Variants in PTPRO observed in about 807,000 individuals in gnomAD.
The protein encoded by PTPRO is receptor-type tyrosine-protein phosphatase O.
A neutral mutation model predicts 145.2 loss-of-function variants in PTPRO; 62 were observed. The observed-to-expected ratio is 0.43, with a 90% confidence interval of 0.35 to 0.53. PTPRO has a LOEUF of 0.53. Ranked by LOEUF, PTPRO falls within the 20% of genes least tolerant of loss-of-function variation. The pLI, the probability that PTPRO is intolerant of heterozygous loss-of-function variation, is 0.01. For synonymous variants in PTPRO, 565 were observed against 514.7 expected (o/e 1.10, Z -1.32); for missense variants, 1,345 against 1,482.7 (o/e 0.91, Z 1.53).
chr12:15,506,513 G>A (rs984501998), intron 6 of PTPRO, among the ~76,000 whole-genome samples: 2 of 152,188 alleles, frequency 1.3e-5, no homozygotes, highest in African/African-American at 2.4e-5. Context: ...TGCATGGCCA[G>A]GGAGGTCTCA....
chr12:15,560,055 T>C (rs540821828), intron 16 of PTPRO, 138 bp from the exon 17 acceptor site: 10 of 709,846 alleles, frequency 1.4e-5, no homozygotes, highest in African/African-American at 8.8e-5. Flanking sequence ...ACAGAATGGA[T>C]TAATATTTAA....
intron 25 of PTPRO, among the ~76,000 whole-genome samples, chr12:15,590,985 C>G (rs1360685406): frequency 6.6e-6 from 1 of 152,156 alleles, no homozygotes; most frequent in Admixed American, 6.5e-5. Flanking sequence ...ATATGAATCA[C>G]CAAGCTTCAA....
In PTPRO at chr12:15,524,685, T is replaced by C. The variant is rs530068649; in HGVS notation, c.1892-129T>C. Reference sequence around the variant, plus strand: ...CACTGTTATTGAGAGGTCCTGAAGTTACCGGGACTATCGTGTGCTGTGAAT... The same window carrying C: ...CACTGTTATTGAGAGGTCCTGAAGTCACCGGGACTATCGTGTGCTGTGAAT... On this transcript the variant is annotated intron_variant, in intron 10 of 26. Coordinates refer to ENST00000281171, the MANE Select transcript of PTPRO (RefSeq NM_030667.3). 132 of 984,134 alleles carry C rather than the reference T, an allele frequency of 1.3e-4. 2 individuals are homozygous for C. Among genetic ancestry groups the C allele is most frequent in the South Asian group, 1.1e-3 (82 of 72,728 alleles). 61.0% of individuals were successfully genotyped at this position (984,134 alleles called of 1,614,324 possible). A position where few individuals can be genotyped will look rare whatever the true frequency, so the allele number is the denominator to read the frequency against.
chr12:15,525,101 C>G (rs1942810396), intron 11 of PTPRO, 136 bp downstream of exon 11: 1 of 1,059,326 alleles, frequency 9.4e-7, no homozygotes, highest in Non-Finnish European at 1.4e-6. Context: ...GGAGATAAGA[C>G]AGTGAACAAA....
At chr12:15,431,099 C>G (rs998800090) in intron 1 of PTPRO, among the ~76,000 whole-genome samples, 1 of 152,192 alleles carries the variant, frequency 6.6e-6, no homozygotes, top group South Asian at 2.1e-4. Flanking sequence ...TGTCCTAAAG[C>G]AAGGGTAGCA....
intron 6 of PTPRO, among the ~76,000 whole-genome samples, chr12:15,507,306 G>A (rs1201742902): frequency 3.3e-5 from 5 of 151,794 alleles, no homozygotes; most frequent in African/African-American, 7.3e-5. Flanking sequence ...CCAGCTACTC[G>A]GGAGGCTGAG....
chr12:15,589,404 A>T (rs1044102909), intron 24 of PTPRO, 51 bp from the exon 25 acceptor site: 19 of 1,612,502 alleles, frequency 1.2e-5, no homozygotes, highest in Non-Finnish European at 1.6e-5. Flanking sequence ...AGGGGGGAGA[A>T]AAAAAAGAAG....
chr12:15,459,933 G>A (rs1210116164), intron 1 of PTPRO, among the ~76,000 whole-genome samples: 4 of 152,174 alleles, frequency 2.6e-5, no homozygotes, highest in African/African-American at 7.2e-5. Flanking sequence ...TCAAGGAGAT[G>A]TGTCAATGTG....
At chr12:15,575,093 T>C (rs1046715896) in intron 19 of PTPRO, among the ~76,000 whole-genome samples, 3 of 152,190 alleles carry the variant, frequency 2.0e-5, no homozygotes. Context: ...GTTGCAGGAC[T>C]TTTCCTTAGT....
intron 2 of PTPRO, among the ~76,000 whole-genome samples, chr12:15,497,006 G>T (rs1215057905): frequency 6.6e-6 from 1 of 152,124 alleles, no homozygotes; most frequent in African/African-American, 2.4e-5. Context: ...CAGGACTGTT[G>T]CAAAAGGAAA....
At chr12:15,346,985 T>G (rs1867241838) in intron 1 of PTPRO, among the ~76,000 whole-genome samples, 1 of 152,156 alleles carries the variant, frequency 6.6e-6, no homozygotes, top group African/African-American at 2.4e-5. Flanking sequence ...CATTCTCACC[T>G]TCCTCTAATC....
chr12:15,444,961 C>G (rs1030178820), intron 1 of PTPRO, among the ~76,000 whole-genome samples: 14 of 151,998 alleles, frequency 9.2e-5, no homozygotes, highest in Admixed American at 4.6e-4. Flanking sequence ...GACTTTTTGT[C>G]TCTCAATGGG....
At chr12:15,441,918 C>T (rs1028282394) in intron 1 of PTPRO, among the ~76,000 whole-genome samples, 1 of 152,084 alleles carries the variant, frequency 6.6e-6, no homozygotes, top group African/African-American at 2.4e-5. Context: ...CCAAATTCTA[C>T]CAGATGTACA....
chr12:15,538,943 C>T (rs753170450), intron 12 of PTPRO, among the ~76,000 whole-genome samples: 75 of 152,188 alleles, frequency 4.9e-4, no homozygotes, highest in Non-Finnish European at 8.2e-4. Context: ...ATCTTTTATG[C>T]TCCTTCAACT....
chr12:15,559,290 C>T lies in PTPRO; in HGVS notation c.2628-903C>T, dbSNP rs760464501. 8.9e-4 allele frequency among the ~76,000 whole-genome samples: 135 copies of T among 152,198 alleles called. 1 individual carries two copies. Among genetic ancestry groups the T allele is most frequent in the Non-Finnish European group, 7.4e-4 (50 of 68,006 alleles). ...CAGCTCTTCACAAAGACAGTTTTGC[C>T]GACTCTAGCATTTTCTAGCTGACTG... On this transcript the variant is annotated intron_variant, in intron 16 of 26. Coordinates refer to ENST00000281171, the MANE Select transcript of PTPRO (RefSeq NM_030667.3).
intron 1 of PTPRO, among the ~76,000 whole-genome samples, chr12:15,338,374 A>G (rs1445370293): frequency 6.6e-6 from 1 of 152,224 alleles, no homozygotes; most frequent in African/African-American, 2.4e-5. Context: ...GAAAAACAAT[A>G]ACTACAATTG....
intron 13 of PTPRO, among the ~76,000 whole-genome samples, chr12:15,547,250 G>A (rs901337718): frequency 4.6e-5 from 7 of 152,210 alleles, no homozygotes; most frequent in African/African-American, 1.7e-4. Context: ...AAGACTGAGA[G>A]AAGGTTATTG....
At chr12:15,439,991 C>T (rs188252527) in intron 1 of PTPRO, 3 of 683,822 alleles carry the variant, frequency 4.4e-6, no homozygotes, top group African/African-American at 1.8e-5. Context: ...GGCCATCATC[C>T]TGGCCAAGCT....
At position 15,511,345 on chromosome 12, in the gene PTPRO, G is replaced by A. The variant is rs1942436432; in HGVS notation, c.1464+2578G>A. On this transcript the variant is annotated intron_variant, in intron 7 of 26. Coordinates refer to ENST00000281171, the MANE Select transcript of PTPRO (RefSeq NM_030667.3). ...AAATAAAAAGGCATGGAGAAACATA[G>A]AAGTGTAAATATAGGTTAGCAGCTC... 2.0e-5 allele frequency among the ~76,000 whole-genome samples: 3 copies of A among 152,304 alleles called. No homozygotes were observed. In the South Asian group the frequency reaches 6.2e-4, roughly 32 times the overall value.
Sources: allele counts gnomAD v4.1 joint callset (sites outside exome capture counted in the v4.1 genomes callset), GRCh38; gene constraint gnomAD v4.1.1; transcripts MANE v1.5; gene names NCBI Gene and HGNC (gene_info 2026-07-23, HGNC 2026-07-21).